The following GSN variants were observed in gnomAD, a reference collection of about 807,000 sequenced individuals.
GSN encodes actin-depolymerizing factor.
GSN carries 56 observed loss-of-function variants against 85.7 expected under a neutral mutation model. The ratio of observed to expected loss-of-function variants is 0.65; its 90% CI spans 0.53 to 0.82. The LOEUF is 0.82. Ranked by LOEUF, GSN falls within the 40% of genes least tolerant of loss-of-function variation. The probability of loss-of-function intolerance (pLI) is 0.00; values close to 1 mark genes in which losing one functional copy is unlikely to be tolerated. For synonymous variants in GSN, 373 were observed against 399.1 expected (o/e 0.93, Z 0.78); for missense variants, 857 against 979.8 (o/e 0.87, Z 1.67).
chr9:121,217,310 G>A (rs1404821047), intron 4 of GSN, among the ~76,000 whole-genome samples: 1 of 151,090 alleles, frequency 6.6e-6, no homozygotes, highest in African/African-American at 2.4e-5. Context: ...AGATTGCAGT[G>A]AGCCAAGATC....
intron 4 of GSN, among the ~76,000 whole-genome samples, chr9:121,224,693 C>T (rs1424934672): frequency 6.8e-6 from 1 of 147,118 alleles, no homozygotes. Context: ...GTAGTAAACT[C>T]GTCCTTCAGT....
chr9:121,309,796 A>C (rs2060861582), intron 4 of GSN: 1 of 151,758 alleles, frequency 6.6e-6, no homozygotes, highest in African/African-American at 2.4e-5. Flanking sequence ...GTCTACAATA[A>C]AATAAAATAA....
At chr9:121,215,665 G>A (rs2054050540) in intron 4 of GSN, among the ~76,000 whole-genome samples, 2 of 151,394 alleles carry the variant, frequency 1.3e-5, no homozygotes, top group Non-Finnish European at 2.9e-5. Flanking sequence ...CTGCACTCCA[G>A]CCTGAGTGAC....
chr9:121,270,906 G>A (rs1371352452), intron 1 of GSN, among the ~76,000 whole-genome samples: 2 of 152,100 alleles, frequency 1.3e-5, no homozygotes, highest in Non-Finnish European at 2.9e-5. Context: ...CTCTGGGTGT[G>A]TATATTTGCT....
At chr9:121,281,789 G>C (rs1179221397) in intron 2 of GSN, 4 of 471,044 alleles carry the variant, frequency 8.5e-6, no homozygotes, top group Non-Finnish European at 1.8e-5. Context: ...GCCGGGACTG[G>C]GCTCGGTGCC....
rs2132277594 is a variant in GSN at position 121,261,311 on chromosome 9, C to A, written c.-340-3843C>A. On this transcript the variant is annotated intron_variant, in intron 6 of 24. Transcript: ENST00000373823. This position sits in a 1 kb window ranked among gnomAD's most constrained non-coding sequence, Gnocchi z 4.1. The stretch of plus-strand genomic sequence containing the variant: ...AGGGCTGTGGGCCCCTGTGCCCCTC[C>A]ACAGGAAACGTCTTGATTTTGCTCC... Among the ~76,000 whole-genome samples, 1 of 152,374 alleles carries A rather than the reference C, an allele frequency of 6.6e-6. No individual in the cohort carries two copies.
intron 2 of GSN, among the ~76,000 whole-genome samples, chr9:121,286,377 C>T (rs1022029778): frequency 6.6e-6 from 1 of 152,236 alleles, no homozygotes. Context: ...GCCAGGACTC[C>T]GTAGCAGTCA....
chr9:121,267,492 C>T (rs2055271760), upstream of GSN, among the ~76,000 whole-genome samples: 1 of 152,164 alleles, frequency 6.6e-6, no homozygotes, highest in South Asian at 2.1e-4. Flanking sequence ...TCAGGATGCC[C>T]ATTTGACAAA....
In GSN at chr9:121,230,951, A is replaced by G. The variant is rs563846004; in HGVS notation, c.-527-214A>G. ...ATTCACACGTAAATCAGGGTTCATA[A>G]TCTCTTCACTGCAAACTTCACAGCA... On this transcript the variant is annotated intron_variant, in intron 4 of 24. Transcript: ENST00000373823. 1.8e-4 allele frequency among the ~76,000 whole-genome samples: 28 copies of G among 152,300 alleles called. No homozygotes were observed. In the South Asian group the frequency reaches 1.9e-3, roughly 10 times the overall value.
intron 16 of GSN, among the ~76,000 whole-genome samples, chr9:121,331,121 G>C (rs563125431): frequency 6.6e-6 from 1 of 152,286 alleles, no homozygotes; most frequent in Admixed American, 6.5e-5. Flanking sequence ...AATTTTTAAA[G>C]AGAAGTTGGA....
chr9:121,302,228 G>A (rs2059958563), intron 3 of GSN, 61 bp downstream of exon 3: 1 of 1,573,096 alleles, frequency 6.4e-7, no homozygotes, highest in East Asian at 2.2e-5. Flanking sequence ...CAGACCTTTG[G>A]GGCATGGTCC....
At chr9:121,316,832 C>G (rs10818528) in intron 7 of GSN, among the ~76,000 whole-genome samples, 114,759 of 152,104 alleles carry the variant, frequency 0.75, 43,606 homozygotes, top group East Asian at 0.85. Flanking sequence ...CAGTTCCCCT[C>G]TGCACCCAAT....
At chr9:121,312,520 G>A in intron 6 of GSN, 32 bp downstream of exon 6, 1 of 1,576,178 alleles carries the variant, frequency 6.3e-7, no homozygotes, top group Non-Finnish European at 8.7e-7. Flanking sequence ...GGGTGGCCAT[G>A]GGGACACGCT....
chr9:121,241,858 A>G (rs2054611588), intron 5 of GSN, among the ~76,000 whole-genome samples: 1 of 152,196 alleles, frequency 6.6e-6, no homozygotes, highest in South Asian at 2.1e-4. Flanking sequence ...TATGGAACTG[A>G]GCAAAATGCT....
chr9:121,233,748 A>G (rs1450856540), intron 5 of GSN, among the ~76,000 whole-genome samples: 3 of 152,226 alleles, frequency 2.0e-5, no homozygotes, highest in Non-Finnish European at 4.4e-5. Flanking sequence ...AGCAACAGAT[A>G]GCCAAAAGAG....
At chr9:121,314,607 AACT>A (rs1310919995) in intron 7 of GSN, among the ~76,000 whole-genome samples, 1 of 152,212 alleles carries the variant, frequency 6.6e-6, no homozygotes, top group Non-Finnish European at 1.5e-5. Flanking sequence ...GCCAAAGAAA[AACT>A]ACTACATTAT....
At chr9:121,241,110 T>C (rs1245660699) in intron 5 of GSN, among the ~76,000 whole-genome samples, 1 of 152,078 alleles carries the variant, frequency 6.6e-6, no homozygotes, top group African/African-American at 2.4e-5. Context: ...AAAGAAAGCA[T>C]AAAAGAACCA....
intron 4 of GSN, among the ~76,000 whole-genome samples, chr9:121,221,372 C>G (rs1359224488): frequency 6.6e-6 from 1 of 152,228 alleles, no homozygotes; most frequent in Non-Finnish European, 1.5e-5. Context: ...TTCATTAGGT[C>G]TTAAGAGCAG....
chr9:121,326,915 A>G, intron 13 of GSN: 1 of 697,924 alleles, frequency 1.4e-6, no homozygotes, highest in African/African-American at 1.8e-5. Flanking sequence ...CTCACTACCT[A>G]CCATTCTGTA....
Sources: gnomAD v4.1 joint callset for allele counts (sites outside exome capture counted in the v4.1 genomes callset) on GRCh38, gnomAD v4.1.1 for gene constraint, Gnocchi (gnomAD v3.1) non-coding constraint, MANE v1.5 for transcripts, NCBI Gene and HGNC (gene_info 2026-07-23, HGNC 2026-07-21) for gene names.